ITGB5: variants seen among roughly 807,000 people sequenced by gnomAD.
ITGB5 encodes integrin subunit beta 5, also known as integrin beta-5.
In ITGB5, 38 loss-of-function variants were observed where a neutral mutation model predicts 84.8. The observed-to-expected ratio is 0.45, with a 90% CI of 0.35 to 0.59. The LOEUF is 0.59. ITGB5 is among the 20% of genes least tolerant of loss of function. ITGB5 has a pLI of 0.01. For missense variants in ITGB5, 905 were observed against 1,034.5 expected (o/e 0.87, Z 1.72); for synonymous variants, 393 against 414.4 (o/e 0.95, Z 0.63).
chr3:124,766,282 A>G lies in ITGB5; in HGVS notation c.2081T>C (p.Phe694Ser), dbSNP rs2063766668. ...YKTAKDCVMM[F>S]TYVELPSGKS... ...CCCACTGGGGAGCTCCACATAGGTG[A>G]ACATCATGACGCAGTCCTTGGCGGT... Residue 694 changes from phenylalanine (F) to serine (S), a missense_variant, in exon 13 of 15, where the codon TTC (phenylalanine) becomes TCC (serine). By Grantham distance (155) the Phe-to-Ser change is radical. Transcript: ENST00000296181. 1 of 1,614,014 alleles carries G rather than the reference A, an allele frequency of 6.2e-7. No homozygotes were observed. Among genetic ancestry groups the G allele is most frequent in the Admixed American group, 1.7e-5 (1 of 60,000 alleles).
chr3:124,797,522 TTTAA>T (rs2064249730), intron 9 of ITGB5, among the ~76,000 whole-genome samples: 1 of 152,252 alleles, frequency 6.6e-6, no homozygotes. Context: ...ACCTTTTCTT[TTTAA>T]ACAGAATATG....
intron 10 of ITGB5, among the ~76,000 whole-genome samples, chr3:124,794,781 CAA>C (rs1282272756): frequency 1.0e-5 from 1 of 99,310 alleles, no homozygotes; most frequent in Admixed American, 1.2e-4. Context: ...GACTTCATCT[CAA>C]AAAAAAAAAG....
rs547511798 is a variant in ITGB5, at chr3:124,859,258, G to A, written c.345C>T (p.Ala115=). Residue 115 remains alanine, a synonymous_variant, in exon 3 of 15, where the codon GCC becomes GCT. Coordinates refer to ENST00000296181, the MANE Select transcript of ITGB5 (RefSeq NM_002213.5). The part of the protein sequence containing the change: ...DVIQMTPQEI[A]VNLRPGDKTT... ...GCAACTCACCGGGCCGGAGGTTCAC[G>A]GCAATCTCCTGTGGTGTCATCTGAA... 5.4e-5 allele frequency: 87 copies of A among 1,613,922 alleles called. No homozygotes were observed. The South Asian group carries it at 7.2e-4, about 13-fold the overall frequency.
At chr3:124,820,370 G>A (rs1183009899) in intron 6 of ITGB5, among the ~76,000 whole-genome samples, 1 of 152,216 alleles carries the variant, frequency 6.6e-6, no homozygotes. Flanking sequence ...TGGACTAAAA[G>A]TTGGGCCATG....
chr3:124,805,816 G>A lies in ITGB5; in HGVS notation c.1263+3206C>T, dbSNP rs150823466. 9.2e-5 allele frequency among the ~76,000 whole-genome samples: 14 copies of A among 152,064 alleles called. No individual in the cohort carries two copies. In the East Asian group the frequency reaches 1.7e-3, roughly 19 times the overall value. ...TTTGAGCCATTATAGTCTGCCAGAT[G>A]TTTTTCTTTTACTATCAAACCAAGT... On this transcript the variant is annotated intron_variant, in intron 9 of 14. Transcript: ENST00000296181.
intron 2 of ITGB5, chr3:124,862,866 T>C (rs2065324813): frequency 6.6e-6 from 1 of 152,198 alleles, no homozygotes; most frequent in Non-Finnish European, 1.5e-5. Context: ...TCCTGCACTG[T>C]CACCTGGTTG....
At chr3:124,787,778 G>A (rs2064101766) in intron 10 of ITGB5, 2 of 152,234 alleles carry the variant, frequency 1.3e-5, no homozygotes, top group Admixed American at 1.3e-4. Context: ...TGACTCCAGA[G>A]ATGAGCAGCC....
chr3:124,797,262 G>A (rs2064244838), intron 9 of ITGB5, among the ~76,000 whole-genome samples: 1 of 152,188 alleles, frequency 6.6e-6, no homozygotes, highest in Admixed American at 6.5e-5. Context: ...TCTGTGCCAG[G>A]CACAATGGCA....
intron 1 of ITGB5, among the ~76,000 whole-genome samples, chr3:124,892,960 C>A (rs1316654555): frequency 1.3e-5 from 2 of 152,102 alleles, no homozygotes; most frequent in African/African-American, 4.8e-5. Flanking sequence ...CTACAGTATA[C>A]CCCTTAGTTT....
At chr3:124,783,984 C>T (rs1248034476) in intron 10 of ITGB5, among the ~76,000 whole-genome samples, 1 of 152,198 alleles carries the variant, frequency 6.6e-6, no homozygotes, top group Non-Finnish European at 1.5e-5. Flanking sequence ...ACAAGCCCCT[C>T]ACCCTTTGTC....
chr3:124,770,897 C>T (rs190406023), intron 11 of ITGB5, among the ~76,000 whole-genome samples: 119 of 151,980 alleles, frequency 7.8e-4, no homozygotes, highest in Admixed American at 2.5e-3. Flanking sequence ...GCCCCCGATC[C>T]CCCACCCTCC....
At chr3:124,803,695 T>A (rs2064351089) in intron 9 of ITGB5, among the ~76,000 whole-genome samples, 1 of 152,196 alleles carries the variant, frequency 6.6e-6, no homozygotes, top group South Asian at 2.1e-4. Flanking sequence ...GCTCCCCACA[T>A]GGTGCAGGGG....
intron 2 of ITGB5, among the ~76,000 whole-genome samples, chr3:124,859,738 A>C (rs1178470815): frequency 1.3e-5 from 2 of 152,216 alleles, no homozygotes; most frequent in African/African-American, 4.8e-5. Context: ...CTACATGATT[A>C]GCAAGAGAAA....
intron 1 of ITGB5, 145 bp downstream of exon 1, chr3:124,886,786 C>T (rs911824016): frequency 2.9e-6 from 1 of 345,354 alleles, no homozygotes; most frequent in African/African-American, 2.2e-5. Flanking sequence ...GCGGGGCTGT[C>T]CCCCAGCGAC....
intron 9 of ITGB5, among the ~76,000 whole-genome samples, chr3:124,803,702 G>A (rs1257434448): frequency 6.6e-6 from 1 of 152,198 alleles, no homozygotes; most frequent in African/African-American, 2.4e-5. Flanking sequence ...ACATGGTGCA[G>A]GGGGGCTCAG....
chr3:124,775,044 T>C (rs2063903944), intron 10 of ITGB5, among the ~76,000 whole-genome samples: 1 of 152,190 alleles, frequency 6.6e-6, no homozygotes. Flanking sequence ...CTGCCTCCTA[T>C]GAGCACAGGC....
At chr3:124,901,246 T>C (rs1935208786) in intron 1 of ITGB5, 1 of 151,970 alleles carries the variant, frequency 6.6e-6, no homozygotes. Context: ...ACAAAATTAG[T>C]CGGGCATGGT....
At chr3:124,817,535 G>A in intron 8 of ITGB5, 86 bp downstream of exon 8, 1 of 685,602 alleles carries the variant, frequency 1.5e-6, no homozygotes, top group Non-Finnish European at 2.5e-6. Flanking sequence ...ACGGAGAACT[G>A]CCCACCTGAG....
chr3:124,772,155 T>G (rs560747920), intron 11 of ITGB5, among the ~76,000 whole-genome samples: 1 of 152,202 alleles, frequency 6.6e-6, no homozygotes, highest in South Asian at 2.1e-4. Flanking sequence ...CTATCTGGGC[T>G]CCAGATCCAG....
Sources: allele counts gnomAD v4.1 joint callset (sites outside exome capture counted in the v4.1 genomes callset), GRCh38; gene constraint gnomAD v4.1.1; transcripts MANE v1.5; gene names NCBI Gene and HGNC (gene_info 2026-07-23, HGNC 2026-07-21).